The following ADAMTS3 variants were observed in gnomAD, a reference collection of about 807,000 sequenced individuals.
ADAMTS3 encodes ADAM metallopeptidase with thrombospondin type 1 motif 3.
In ADAMTS3, 73 loss-of-function variants were observed where a neutral mutation model predicts 129.0. The observed-to-expected ratio is 0.57, with a 90% confidence interval of 0.47 to 0.69. ADAMTS3 has a LOEUF of 0.69. Among genes scored for constraint, ADAMTS3 ranks in the 30% least tolerant of loss-of-function variants. The pLI is 0.00. For missense variants in ADAMTS3, 1,457 were observed against 1,514.5 expected (o/e 0.96, Z 0.63); for synonymous variants, 477 against 510.8 (o/e 0.93, Z 0.89).
chr4:72,305,705 T>A (rs1719066257), intron 16 of ADAMTS3, among the ~76,000 whole-genome samples: 1 of 152,026 alleles, frequency 6.6e-6, no homozygotes, highest in South Asian at 2.1e-4. Flanking sequence ...CATTTATATA[T>A]TATTTTGATT....
chr4:72,333,038 C>T (rs1719891153), intron 5 of ADAMTS3, among the ~76,000 whole-genome samples: 1 of 152,136 alleles, frequency 6.6e-6, no homozygotes, highest in South Asian at 2.1e-4. Flanking sequence ...AACTGTCTGA[C>T]CCTGGGAACA....
chr4:72,284,942 A>C (rs1460461652), intron 21 of ADAMTS3, among the ~76,000 whole-genome samples: 3 of 152,248 alleles, frequency 2.0e-5, no homozygotes, highest in Non-Finnish European at 4.4e-5. Flanking sequence ...TGCATAGAGT[A>C]GCATCCCTGC....
chr4:72,333,848 CTTTTTTTTT>C (rs6148516), intron 5 of ADAMTS3, among the ~76,000 whole-genome samples: 1 of 99,476 alleles, frequency 1.0e-5, no homozygotes, highest in East Asian at 3.4e-4. Context: ...TGTTTGCTTG[CTTTTTTTTT>C]TTTTTTTTTT....
chr4:72,565,877 A>G (rs1326920447), intron 2 of ADAMTS3, among the ~76,000 whole-genome samples: 1 of 152,232 alleles, frequency 6.6e-6, no homozygotes, highest in Non-Finnish European at 1.5e-5. Flanking sequence ...TAAAATTCTA[A>G]TCAAAGCTAT....
intron 3 of ADAMTS3, among the ~76,000 whole-genome samples, chr4:72,469,887 A>G (rs753599843): frequency 7.9e-5 from 12 of 152,182 alleles, no homozygotes; most frequent in Non-Finnish European, 1.5e-5. Flanking sequence ...TATAATATAT[A>G]CAACATACGA....
intron 3 of ADAMTS3, among the ~76,000 whole-genome samples, chr4:72,508,575 C>T (rs903502113): frequency 4.6e-5 from 7 of 152,016 alleles, no homozygotes; most frequent in African/African-American, 1.7e-4. Context: ...AATGTTTTTA[C>T]AAATATCATC....
chr4:72,422,692 G>A (rs1722476769), intron 3 of ADAMTS3, among the ~76,000 whole-genome samples: 1 of 152,100 alleles, frequency 6.6e-6, no homozygotes, highest in African/African-American at 2.4e-5. Flanking sequence ...GATCACAAAG[G>A]CCACACTCCT....
At chr4:72,382,831 G>A (rs1225643905) in intron 4 of ADAMTS3, among the ~76,000 whole-genome samples, 1 of 152,144 alleles carries the variant, frequency 6.6e-6, no homozygotes, top group Non-Finnish European at 1.5e-5. Context: ...TAATCAATGG[G>A]TATACATGAA....
chr4:72,493,713 C>A (rs1719804711), intron 3 of ADAMTS3, among the ~76,000 whole-genome samples: 1 of 152,032 alleles, frequency 6.6e-6, no homozygotes, highest in African/African-American at 2.4e-5. Flanking sequence ...TGTTGTTTAG[C>A]ATATTTTCAT....
chr4:72,307,469 G>A (rs1203592645), intron 15 of ADAMTS3, among the ~76,000 whole-genome samples: 1 of 151,988 alleles, frequency 6.6e-6, no homozygotes, highest in East Asian at 1.9e-4. Flanking sequence ...GAGCTCCTTT[G>A]GGTAAAGTGA....
At chr4:72,367,265 T>G (rs961479990) in intron 4 of ADAMTS3, among the ~76,000 whole-genome samples, 1 of 152,188 alleles carries the variant, frequency 6.6e-6, no homozygotes, top group African/African-American at 2.4e-5. Context: ...AACTAATTTC[T>G]TGTCTTCTAC....
intron 2 of ADAMTS3, among the ~76,000 whole-genome samples, chr4:72,563,444 C>T (rs1721951460): frequency 6.6e-6 from 1 of 152,092 alleles, no homozygotes; most frequent in Non-Finnish European, 1.5e-5. Context: ...TTAATCTTAG[C>T]TTAGCTTATC....
intron 4 of ADAMTS3, among the ~76,000 whole-genome samples, chr4:72,379,951 A>C (rs943885202): frequency 2.6e-5 from 4 of 152,122 alleles, no homozygotes; most frequent in African/African-American, 9.7e-5. Context: ...GCTCTAGTGA[A>C]TGTCTCTTCT....
intron 11 of ADAMTS3, among the ~76,000 whole-genome samples, 174 bp from the exon 12 acceptor site, chr4:72,313,996 T>C (rs1352498201): frequency 6.6e-6 from 1 of 152,112 alleles, no homozygotes; most frequent in African/African-American, 2.4e-5. Context: ...TATTAAAGGG[T>C]AATTTAGACT....
At chr4:72,338,052 C>T (rs1720034757) in intron 5 of ADAMTS3, among the ~76,000 whole-genome samples, 1 of 152,024 alleles carries the variant, frequency 6.6e-6, no homozygotes, top group African/African-American at 2.4e-5. Context: ...TAAAATTTGG[C>T]ATAGAGAAAC....
At chr4:72,398,178 G>T (rs1721775191) in intron 4 of ADAMTS3, among the ~76,000 whole-genome samples, 1 of 151,968 alleles carries the variant, frequency 6.6e-6, no homozygotes, top group South Asian at 2.1e-4. Context: ...GAGGATGAGA[G>T]CCATGTTGAG....
At chr4:72,516,749 G>C (rs1012727863) in intron 3 of ADAMTS3, among the ~76,000 whole-genome samples, 8 of 151,870 alleles carry the variant, frequency 5.3e-5, no homozygotes, top group Non-Finnish European at 1.2e-4. Flanking sequence ...GAGACAATGG[G>C]GTTTTCTAGA....
intron 3 of ADAMTS3, among the ~76,000 whole-genome samples, chr4:72,498,173 G>A (rs1344514775): frequency 2.0e-5 from 3 of 151,980 alleles, no homozygotes; most frequent in Non-Finnish European, 2.9e-5. Context: ...ATATATTGAG[G>A]CTGGCAATAT....
chr4:72,363,331 A>C (rs1720776917), intron 4 of ADAMTS3, among the ~76,000 whole-genome samples: 1 of 152,180 alleles, frequency 6.6e-6, no homozygotes, highest in Admixed American at 6.5e-5. Context: ...TGAAATATAA[A>C]GGGTATAAAG....
Sources: allele counts gnomAD v4.1 joint callset (sites outside exome capture counted in the v4.1 genomes callset), GRCh38; gene constraint gnomAD v4.1.1; transcripts MANE v1.5; gene names NCBI Gene and HGNC (gene_info 2026-07-23, HGNC 2026-07-21).